Variants in SCML4 observed in about 807,000 individuals in gnomAD.
SCML4 encodes Scm polycomb group protein like 4, also known as sex comb on midleg-like protein 4.
Under a neutral mutation model 41.1 loss-of-function variants are expected in SCML4, and 34 were observed. The observed-to-expected ratio is 0.83, with a 90% confidence interval of 0.63 to 1.10. SCML4 has a LOEUF of 1.10. SCML4 is among the 50% of genes least tolerant of loss of function. SCML4 has a pLI of 0.00. For missense variants in SCML4, 522 were observed against 534.1 expected (o/e 0.98, Z 0.22); for synonymous variants, 214 against 220.9 (o/e 0.97, Z 0.28).
At chr6:107,827,831 C>G (rs1785304979), upstream of SCML4, among the ~76,000 whole-genome samples, 1 of 152,162 alleles carries the variant, frequency 6.6e-6, no homozygotes, top group Non-Finnish European at 1.5e-5. Context: ...GAGTAGCCTC[C>G]ATTTGAAGAG....
At chr6:107,743,271 A>C (rs1777756323) in intron 5 of SCML4, among the ~76,000 whole-genome samples, 1 of 152,224 alleles carries the variant, frequency 6.6e-6, no homozygotes, top group African/African-American at 2.4e-5. Context: ...AACATTTTGT[A>C]ACCTGAAAGG....
chr6:107,755,811 A>T (rs758191716), intron 2 of SCML4: 4 of 254,900 alleles, frequency 1.6e-5, no homozygotes, highest in Non-Finnish European at 3.0e-5. Context: ...TAGGGTAGGG[A>T]TTACACACTG....
chr6:107,778,213 AAAAAAAAAAATATATATATAT>A (rs1375855318), intron 1 of SCML4, among the ~76,000 whole-genome samples: 2 of 6,868 alleles, frequency 2.9e-4, no homozygotes, highest in African/African-American at 4.8e-4. Context: ...AAAAAAAAAA[AAAAAAAAAAATATATATATAT>A]ATATATATAT....
Position 107,799,075 on chromosome 6 carries a change from T to C in SCML4, c.-60+25051A>G, listed in dbSNP as rs536763591. Among the ~76,000 whole-genome samples the C allele has an allele frequency of 9.8e-5, 15 of 152,286 alleles. No individual in the cohort carries two copies. In the South Asian group the frequency reaches 3.1e-3, roughly 32 times the overall value. On this transcript the variant is annotated intron_variant, in intron 1 of 7. Coordinates refer to ENST00000369020, the MANE Select transcript of SCML4 (RefSeq NM_198081.5). Reference sequence around the variant, plus strand: ...ATAGTGTTCTATAAATACCTATTAGTTAAGTTAGTTGATAGTGCTTTTCAA... The same window carrying C: ...ATAGTGTTCTATAAATACCTATTAGCTAAGTTAGTTGATAGTGCTTTTCAA...
intron 4 of SCML4, 126 bp downstream of exon 4, chr6:107,746,563 A>G (rs1583472944): frequency 1.3e-6 from 1 of 767,352 alleles, no homozygotes; most frequent in Non-Finnish European, 2.2e-6. Flanking sequence ...GCTCATAAAG[A>G]CCCTAGGAGC....
chr6:107,802,887 T>G lies in SCML4; in HGVS notation c.-60+21239A>C, dbSNP rs1051207303. On this transcript the variant is annotated intron_variant, in intron 1 of 7. Coordinates refer to ENST00000369020, the MANE Select transcript of SCML4 (RefSeq NM_198081.5). The stretch of plus-strand genomic sequence containing the variant: ...GCCTGCCGAGTGCCTGCGATTGCAG[T>G]CGCGCGCCGCCACGCCTGACTGGTT... Among the ~76,000 whole-genome samples, 520 of 150,496 alleles carry G rather than the reference T, an allele frequency of 3.5e-3. 1 individual carries two copies. Among genetic ancestry groups the G allele is most frequent in the African/African-American group, 0.011 (464 of 40,460 alleles).
At chr6:107,767,020 G>T (rs1048025624) in intron 2 of SCML4, among the ~76,000 whole-genome samples, 11 of 149,230 alleles carry the variant, frequency 7.4e-5, no homozygotes, top group Non-Finnish European at 1.2e-4. Flanking sequence ...GCATGATCTC[G>T]GCTCACTGCA....
At chr6:107,752,863 TG>T (rs1423287502) in intron 2 of SCML4, among the ~76,000 whole-genome samples, 1 of 151,998 alleles carries the variant, frequency 6.6e-6, no homozygotes, top group Non-Finnish European at 1.5e-5. Flanking sequence ...TAAGAGCCAA[TG>T]GTGAAAATAA....
chr6:107,770,402 GA>G (rs1323082375), intron 2 of SCML4, among the ~76,000 whole-genome samples: 31 of 152,278 alleles, frequency 2.0e-4, no homozygotes, highest in African/African-American at 7.5e-4. Context: ...ACTTCACACA[GA>G]ATGGCACCCG....
chr6:107,704,911 G>A lies in SCML4; in HGVS notation c.*289C>T, dbSNP rs746566495. The A allele has an allele frequency of 1.8e-5, 8 of 447,482 alleles. No homozygotes were observed. Among genetic ancestry groups the A allele is most frequent in the African/African-American group, 1.2e-4 (6 of 50,026 alleles). The allele number at this position is 447,482 out of a possible 1,614,324, so 27.7% of individuals were successfully genotyped here. On this transcript the variant is annotated 3_prime_UTR_variant, in exon 8 of 8. Coordinates refer to ENST00000369020, the MANE Select transcript of SCML4 (RefSeq NM_198081.5). ...TAAGCATTCAGTTCCCCACTCTCTC[G>A]TTATGCAAATAGGACCCACTTTAAG...
the SCML4 span, among the ~76,000 whole-genome samples, chr6:107,836,006 C>T: frequency 6.6e-6 from 1 of 152,074 alleles, no homozygotes; most frequent in South Asian, 2.1e-4. Context: ...GGTTGTATTT[C>T]GATGTCTCCT....
intron 1 of SCML4, among the ~76,000 whole-genome samples, chr6:107,806,125 G>T (rs1420347357): frequency 6.6e-6 from 1 of 152,114 alleles, no homozygotes; most frequent in African/African-American, 2.4e-5. Flanking sequence ...CACAACAAAG[G>T]TCCAGAAAGC....
intron 1 of SCML4, among the ~76,000 whole-genome samples, chr6:107,813,636 G>A (rs9386672): frequency 0.42 from 63,034 of 151,360 alleles, 16,117 homozygotes; most frequent in East Asian, 0.7. Flanking sequence ...GAGGAAGATC[G>A]TTCTTCCTTA....
At chr6:107,794,590 CAT>C (rs1039116493) in intron 1 of SCML4, among the ~76,000 whole-genome samples, 2 of 151,794 alleles carry the variant, frequency 1.3e-5, no homozygotes, top group Admixed American at 1.3e-4. Context: ...TATATATGCA[CAT>C]ATATATATAA....
chr6:107,755,599 T>C, intron 2 of SCML4: 1 of 1,349,250 alleles, frequency 7.4e-7, no homozygotes, highest in Non-Finnish European at 9.9e-7. Flanking sequence ...GGGGGTTCTC[T>C]GCCTGTCGCA....
chr6:107,788,174 T>G (rs988569189), intron 1 of SCML4, among the ~76,000 whole-genome samples: 1 of 152,214 alleles, frequency 6.6e-6, no homozygotes, highest in African/African-American at 2.4e-5. Flanking sequence ...AAAGCTTTGC[T>G]TCCCCAATAG....
chr6:107,830,916 A>G, the SCML4 span, among the ~76,000 whole-genome samples: 56 of 152,130 alleles, frequency 3.7e-4, no homozygotes, highest in Non-Finnish European at 7.4e-4. Context: ...CCCACCTACA[A>G]TATTTCCCCC....
Position 107,702,996 on chromosome 6 carries a change from C to T in SCML4, c.*2204G>A, listed in dbSNP as rs1008914167. On this transcript the variant is annotated 3_prime_UTR_variant, in exon 8 of 8. Coordinates refer to ENST00000369020, the MANE Select transcript of SCML4 (RefSeq NM_198081.5). ...AAACCCACCAAAACCAAGATGGCAA[C>T]GAGAGTGACCTCTGGTTGTCCTCGC... Among the ~76,000 whole-genome samples the T allele has an allele frequency of 2.0e-5, 3 of 152,156 alleles. No homozygotes were observed. The highest frequency in any genetic ancestry group is 2.1e-4 in the South Asian group (1 of 4,816).
chr6:107,842,707 T>A, the SCML4 span, among the ~76,000 whole-genome samples: 1 of 152,220 alleles, frequency 6.6e-6, no homozygotes, highest in Non-Finnish European at 1.5e-5. Context: ...TCTTTTGTGA[T>A]TTTCTGTCTA....
Sources: gnomAD v4.1 joint callset for allele counts (sites outside exome capture counted in the v4.1 genomes callset) on GRCh38, gnomAD v4.1.1 for gene constraint, MANE v1.5 for transcripts, NCBI Gene and HGNC (gene_info 2026-07-23, HGNC 2026-07-21) for gene names.